Variants in JMJD1C observed in about 807,000 individuals in gnomAD.
JMJD1C encodes jumonji domain-containing protein 1C.
Under a neutral mutation model 245.3 loss-of-function variants are expected in JMJD1C, and 31 were observed. The observed-to-expected ratio is 0.13, with a 90% CI of 0.09 to 0.17. The LOEUF (loss-of-function observed/expected upper bound fraction) is 0.17, where lower values mean the gene tolerates loss of function less well. JMJD1C is among the 10% of genes least tolerant of loss of function. The pLI is 1.00. For synonymous variants in JMJD1C, 1,057 were observed against 1,017.4 expected (o/e 1.04, Z -0.74); for missense variants, 2,691 against 3,000.2 (o/e 0.90, Z 2.41).
At chr10:63,415,906 TGAA>T (rs1184276618) in intron 1 of JMJD1C, among the ~76,000 whole-genome samples, 1 of 152,206 alleles carries the variant, frequency 6.6e-6, no homozygotes, top group African/African-American at 2.4e-5. Flanking sequence ...TCCATGAAGT[TGAA>T]GAAAACAGAG....
intron 2 of JMJD1C, among the ~76,000 whole-genome samples, chr10:63,290,968 A>G (rs1858605607): frequency 1.3e-5 from 2 of 152,220 alleles, no homozygotes; most frequent in South Asian, 4.1e-4. Flanking sequence ...GATATTTAGT[A>G]AGAAAAATCT....
intron 2 of JMJD1C, chr10:63,359,155 T>C (rs1441804947): frequency 2.6e-5 from 4 of 152,550 alleles, no homozygotes; most frequent in Non-Finnish European, 5.9e-5. Context: ...TCTTAGAAAG[T>C]AACATTTTGT....
intron 1 of JMJD1C, among the ~76,000 whole-genome samples, chr10:63,395,135 A>C (rs1948395696): frequency 6.6e-6 from 1 of 152,150 alleles, no homozygotes. Flanking sequence ...ATAATTAGAG[A>C]AATACAAATA....
chr10:63,428,712 A>G (rs569837773), intron 1 of JMJD1C, among the ~76,000 whole-genome samples: 9 of 152,238 alleles, frequency 5.9e-5, no homozygotes, highest in Non-Finnish European at 8.8e-5. Context: ...AGAAAAAACA[A>G]TAAGGGCAAG....
chr10:63,279,574 C>T (rs1857177005), intron 2 of JMJD1C, among the ~76,000 whole-genome samples: 1 of 152,102 alleles, frequency 6.6e-6, no homozygotes, highest in Non-Finnish European at 1.5e-5. Flanking sequence ...GGGAGGATTG[C>T]TTTGAGACAG....
At chr10:63,367,416 T>G (rs1351112685) in intron 2 of JMJD1C, among the ~76,000 whole-genome samples, 1 of 152,030 alleles carries the variant, frequency 6.6e-6, no homozygotes, top group Non-Finnish European at 1.5e-5. Flanking sequence ...CTGGCTAATT[T>G]TGTACTTTTA....
chr10:63,294,969 A>G (rs1859196487), intron 2 of JMJD1C, among the ~76,000 whole-genome samples: 1 of 152,194 alleles, frequency 6.6e-6, no homozygotes, highest in Admixed American at 6.5e-5. Context: ...GCCAGTCTAC[A>G]GTTTTTTATG....
intron 2 of JMJD1C, among the ~76,000 whole-genome samples, chr10:63,378,285 T>C (rs1025411868): frequency 6.6e-6 from 1 of 152,082 alleles, no homozygotes; most frequent in African/African-American, 2.4e-5. Context: ...TCAATCTTAA[T>C]TGCCTTTAAG....
intron 2 of JMJD1C, among the ~76,000 whole-genome samples, chr10:63,367,977 A>G (rs1028570611): frequency 6.6e-6 from 1 of 152,238 alleles, no homozygotes; most frequent in East Asian, 1.9e-4. Flanking sequence ...CAGAATACAT[A>G]TAAATCTTCC....
chr10:63,393,266 T>C (rs970192247), intron 1 of JMJD1C, among the ~76,000 whole-genome samples: 21 of 152,148 alleles, frequency 1.4e-4, no homozygotes, highest in Admixed American at 1.0e-3. Flanking sequence ...AGATCCTGTC[T>C]CAAAAGTGAA....
chr10:63,261,342 G>A (rs1854718898), intron 3 of JMJD1C, among the ~76,000 whole-genome samples: 1 of 152,172 alleles, frequency 6.6e-6, no homozygotes. Context: ...TACTTTTGGA[G>A]GCCAAGGCGG....
chr10:63,421,443 T>C (rs752902613), intron 1 of JMJD1C, among the ~76,000 whole-genome samples: 1 of 152,160 alleles, frequency 6.6e-6, no homozygotes, highest in Non-Finnish European at 1.5e-5. Context: ...TTTGTGATGA[T>C]TGGGAAGTTG....
At chr10:63,325,768 T>A (rs769525438) in intron 2 of JMJD1C, among the ~76,000 whole-genome samples, 5 of 152,232 alleles carry the variant, frequency 3.3e-5, no homozygotes, top group Non-Finnish European at 5.9e-5. Context: ...TTTCATTTAT[T>A]CTGGACACAG....
At chr10:63,232,840 A>T (rs1850186080) in intron 3 of JMJD1C, among the ~76,000 whole-genome samples, 1 of 152,212 alleles carries the variant, frequency 6.6e-6, no homozygotes, top group South Asian at 2.1e-4. Flanking sequence ...ACATGAAATA[A>T]CATTCCTGTG....
At chr10:63,246,974 A>G (rs770990755) in intron 3 of JMJD1C, among the ~76,000 whole-genome samples, 19 of 152,064 alleles carry the variant, frequency 1.2e-4, no homozygotes, top group Non-Finnish European at 2.4e-4. Context: ...ATAAACATCT[A>G]TATTTAAAAA....
chr10:63,401,916 C>T (rs1948880287), intron 1 of JMJD1C, among the ~76,000 whole-genome samples: 1 of 152,054 alleles, frequency 6.6e-6, no homozygotes, highest in African/African-American at 2.4e-5. Context: ...AGGCAGATCA[C>T]CTGAGGTCGG....
intron 3 of JMJD1C, among the ~76,000 whole-genome samples, chr10:63,242,606 G>T (rs1337158369): frequency 6.6e-6 from 1 of 152,144 alleles, no homozygotes; most frequent in Admixed American, 6.5e-5. Flanking sequence ...CATGCCTGCA[G>T]TCCCAGCAAC....
intron 2 of JMJD1C, among the ~76,000 whole-genome samples, chr10:63,274,833 A>C (rs1856633900): frequency 6.6e-6 from 1 of 152,154 alleles, no homozygotes; most frequent in Admixed American, 6.5e-5. Context: ...AAAGACAACC[A>C]AATTTTTACC....
chr10:63,286,607 A>G (rs1034791486), intron 2 of JMJD1C, among the ~76,000 whole-genome samples: 4 of 152,228 alleles, frequency 2.6e-5, no homozygotes, highest in African/African-American at 9.6e-5. Context: ...CATCCTCAGT[A>G]TGTAGCTCTT....
Sources: gnomAD v4.1 joint callset for allele counts (sites outside exome capture counted in the v4.1 genomes callset) on GRCh38, gnomAD v4.1.1 for gene constraint, MANE v1.5 for transcripts, NCBI Gene and HGNC (gene_info 2026-07-23, HGNC 2026-07-21) for gene names.